NECAB1: variants seen among roughly 807,000 people sequenced by gnomAD.
The protein encoded by NECAB1 is N-terminal EF-hand calcium binding protein 1, also known as N-terminal EF-hand calcium-binding protein 1.
Under a neutral mutation model 57.5 loss-of-function variants are expected in NECAB1, and 29 were observed. The ratio of observed to expected loss-of-function variants is 0.50; its 90% CI spans 0.38 to 0.69. NECAB1 has a LOEUF of 0.69. NECAB1 is among the 30% of genes least tolerant of loss of function. The probability of loss-of-function intolerance (pLI) is 0.00; values close to 1 mark genes in which losing one functional copy is unlikely to be tolerated. For missense variants in NECAB1, 372 were observed against 413.8 expected, an observed-to-expected ratio of 0.90 and a Z score of 0.88; for synonymous variants, 142 against 147.7, an observed-to-expected ratio of 0.96 and a Z score of 0.28.
At chr8:90,849,518 C>T (rs1431814139) in intron 3 of NECAB1, among the ~76,000 whole-genome samples, 2 of 144,744 alleles carry the variant, frequency 1.4e-5, no homozygotes, top group Non-Finnish European at 3.0e-5. Context: ...TTGCCATGTC[C>T]TACTCATTTG....
chr8:90,897,094 AAG>A (rs1809374862), intron 5 of NECAB1, among the ~76,000 whole-genome samples: 1 of 152,226 alleles, frequency 6.6e-6, no homozygotes, highest in Non-Finnish European at 1.5e-5. Flanking sequence ...AATTAAAAAA[AAG>A]AATTTAGCAG....
chr8:90,883,253 G>C (rs1014036119), intron 5 of NECAB1, among the ~76,000 whole-genome samples: 2 of 151,354 alleles, frequency 1.3e-5, no homozygotes, highest in Non-Finnish European at 2.9e-5. Flanking sequence ...AAATTAAAAA[G>C]GAAAAAGAAA....
At chr8:90,918,657 G>A (rs1586124109) in intron 6 of NECAB1, among the ~76,000 whole-genome samples, 1 of 152,124 alleles carries the variant, frequency 6.6e-6, no homozygotes, top group East Asian at 1.9e-4. Flanking sequence ...GACTTGAACT[G>A]GACCTGTAGG....
At chr8:90,804,889 A>G (rs572063025) in intron 2 of NECAB1, among the ~76,000 whole-genome samples, 2 of 152,214 alleles carry the variant, frequency 1.3e-5, no homozygotes, top group Non-Finnish European at 2.9e-5. Context: ...AATTATGAAT[A>G]ATAAATGAGG....
intron 4 of NECAB1, among the ~76,000 whole-genome samples, chr8:90,876,183 G>T (rs1808723760): frequency 6.6e-6 from 1 of 152,138 alleles, no homozygotes; most frequent in African/African-American, 2.4e-5. Context: ...ACCTGTGCCA[G>T]CAAGTCTGAG....
intron 3 of NECAB1, 21 bp from the exon 4 acceptor site, chr8:90,872,107 T>C (rs1319772878): frequency 1.9e-6 from 3 of 1,539,678 alleles, no homozygotes; most frequent in Non-Finnish European, 2.6e-6. Context: ...AACACTGTTT[T>C]TTTTTGTTTC....
At chr8:90,890,473 A>G (rs982180308) in intron 5 of NECAB1, among the ~76,000 whole-genome samples, 2 of 152,182 alleles carry the variant, frequency 1.3e-5, no homozygotes, top group African/African-American at 4.8e-5. Context: ...TCTTCATAGC[A>G]ATGTGAGAAC....
intron 10 of NECAB1, among the ~76,000 whole-genome samples, chr8:90,943,397 G>A (rs546902006): frequency 1.8e-4 from 28 of 152,318 alleles, no homozygotes; most frequent in African/African-American, 6.3e-4. Context: ...TTATCAAAAT[G>A]TAGACTATAT....
chr8:90,889,686 A>C (rs1308783580), intron 5 of NECAB1, among the ~76,000 whole-genome samples: 2 of 152,214 alleles, frequency 1.3e-5, no homozygotes, highest in Non-Finnish European at 2.9e-5. Flanking sequence ...TTGTCACCAC[A>C]TGGGCCTCTC....
At chr8:90,818,131 T>G (rs551093763) in intron 2 of NECAB1, among the ~76,000 whole-genome samples, 1 of 151,920 alleles carries the variant, frequency 6.6e-6, no homozygotes, top group East Asian at 1.9e-4. Context: ...GGAACAACAA[T>G]GATTAACTCT....
At chr8:90,926,855 C>CTTCA (rs1810284024) in intron 7 of NECAB1, among the ~76,000 whole-genome samples, 1 of 152,110 alleles carries the variant, frequency 6.6e-6, no homozygotes, top group Non-Finnish European at 1.5e-5. Flanking sequence ...GGGAAATGTG[C>CTTCA]TTCATTCATT....
rs183493076 is a variant in NECAB1, at chr8:90,824,773, A to T, written c.181A>T (p.Ser61Cys). 4 of 1,553,696 alleles carry T rather than the reference A, an allele frequency of 2.6e-6. No individual in the cohort carries two copies. The East Asian group carries it at 7.1e-5, about 28-fold the overall frequency. ...FKAYFADGVL[S>C]GEELHELFHT... Reference sequence around the variant, plus strand: ...AGCATATTTTGCAGATGGTGTTCTCAGTGGAGAAGAATTACACGAGCTTTT... The same window carrying T: ...AGCATATTTTGCAGATGGTGTTCTCTGTGGAGAAGAATTACACGAGCTTTT... The change falls in exon 3 of 13, where the codon AGT (serine) becomes TGT (cysteine). Residue 61 changes from serine to cysteine, a missense_variant. Coordinates refer to ENST00000417640, the MANE Select transcript of NECAB1 (RefSeq NM_022351.5).
At chr8:90,792,639 T>A (rs1811595260) in intron 1 of NECAB1, among the ~76,000 whole-genome samples, 3 of 152,216 alleles carry the variant, frequency 2.0e-5, no homozygotes, top group Admixed American at 2.0e-4. Context: ...TATTTTCCCT[T>A]TGGTCCAATT....
intron 2 of NECAB1, among the ~76,000 whole-genome samples, chr8:90,822,983 A>G (rs1812168330): frequency 6.6e-6 from 1 of 151,738 alleles, no homozygotes; most frequent in Non-Finnish European, 1.5e-5. Context: ...AAGGAGATAC[A>G]CAGTAGAAAT....
At chr8:90,816,007 T>C (rs1490633241) in intron 2 of NECAB1, among the ~76,000 whole-genome samples, 5 of 151,954 alleles carry the variant, frequency 3.3e-5, no homozygotes, top group African/African-American at 1.2e-4. Context: ...TTTCTACCAG[T>C]AATGAATGTT....
intron 7 of NECAB1, among the ~76,000 whole-genome samples, chr8:90,926,521 C>A (rs901500806): frequency 8.5e-5 from 13 of 152,098 alleles, no homozygotes; most frequent in Non-Finnish European, 1.5e-4. Flanking sequence ...TATTGTGAAG[C>A]GACCTTAAAA....
intron 4 of NECAB1, among the ~76,000 whole-genome samples, chr8:90,875,649 G>A (rs925161626): frequency 9.9e-5 from 15 of 151,446 alleles, no homozygotes; most frequent in Non-Finnish European, 2.1e-4. Flanking sequence ...TCATCTAGTC[G>A]GGTGTTATCT....
At chr8:90,871,345 G>T (rs754992128) in intron 3 of NECAB1, among the ~76,000 whole-genome samples, 1 of 152,056 alleles carries the variant, frequency 6.6e-6, no homozygotes, top group Admixed American at 6.5e-5. Context: ...AAGTTATGGT[G>T]TAATAAGTTA....
chr8:90,947,759 C>A (rs1325041436), intron 10 of NECAB1, among the ~76,000 whole-genome samples: 1 of 152,086 alleles, frequency 6.6e-6, no homozygotes, highest in African/African-American at 2.4e-5. Flanking sequence ...GATAAGGAAA[C>A]CGAGGTTGAG....
Sources: allele counts gnomAD v4.1 joint callset (sites outside exome capture counted in the v4.1 genomes callset), GRCh38; gene constraint gnomAD v4.1.1; transcripts MANE v1.5; gene names NCBI Gene and HGNC (gene_info 2026-07-23, HGNC 2026-07-21).